The following DNAH11 variants were observed in gnomAD, a reference collection of about 807,000 sequenced individuals.
DNAH11 encodes the protein axonemal beta dynein heavy chain 11.
A neutral mutation model predicts 526.0 loss-of-function variants in DNAH11; 442 were observed. The observed-to-expected ratio is 0.84, with a 90% CI of 0.78 to 0.91. DNAH11 has a LOEUF of 0.91. DNAH11 is among the 40% of genes least tolerant of loss of function. The pLI is 0.00. For synonymous variants in DNAH11, 2,461 were observed against 1,935.9 expected (o/e 1.27, Z -7.12); for missense variants, 6,989 against 5,448.7 (o/e 1.28, Z -8.90).
intron 45 of DNAH11, among the ~76,000 whole-genome samples, chr7:21,730,914 C>T (rs1785352710): frequency 6.6e-6 from 1 of 152,112 alleles, no homozygotes; most frequent in Non-Finnish European, 1.5e-5. Context: ...GAGGCCAAGG[C>T]AGGTTGATCA....
At chr7:21,586,507 G>A (rs1784482393) in intron 9 of DNAH11, among the ~76,000 whole-genome samples, 1 of 152,124 alleles carries the variant, frequency 6.6e-6, no homozygotes, top group Non-Finnish European at 1.5e-5. Flanking sequence ...TGTCTAAATT[G>A]ATCCCTAAGG....
chr7:21,752,447 G>A (rs188131596), intron 54 of DNAH11, among the ~76,000 whole-genome samples: 7 of 152,202 alleles, frequency 4.6e-5, no homozygotes, highest in African/African-American at 1.7e-4. Flanking sequence ...TTTTCTATTG[G>A]ATTGTACATA....
intron 30 of DNAH11, among the ~76,000 whole-genome samples, chr7:21,670,911 A>T (rs535186811): frequency 2.2e-4 from 34 of 151,332 alleles, no homozygotes; most frequent in African/African-American, 8.0e-4. Context: ...GCTGGATTCT[A>T]TTTGCTATTA....
rs182330083 is a variant in DNAH11 at position 21,546,654 on chromosome 7, A to G, written c.495+1505A>G. ...GTTTCCATACCAGAGTGTATTATAT[A>G]TTTATACTTAGCCAAAGTATATAAA... On this transcript the variant is annotated intron_variant, in intron 2 of 81. Transcript: ENST00000409508. Among the ~76,000 whole-genome samples the G allele has an allele frequency of 5.9e-5, 9 of 152,300 alleles. No homozygotes were observed. In the East Asian group the frequency reaches 1.5e-3, roughly 26 times the overall value.
At chr7:21,827,462 A>G (rs139940541) in intron 65 of DNAH11, among the ~76,000 whole-genome samples, 1 of 151,672 alleles carries the variant, frequency 6.6e-6, no homozygotes, top group African/African-American at 2.4e-5. Context: ...TTTTTGAAAG[A>G]CTGGAGTAAC....
At position 21,892,580 on chromosome 7, in the gene DNAH11, A is replaced by G; in HGVS notation, c.12663A>G (p.Thr4221=). The G allele has an allele frequency of 6.2e-7, 1 of 1,614,040 alleles. No homozygotes were observed. ...CTGAAATAGAATTCCTGACAGTGAC[A>G]TCCAACACTCTCTTCAGAACTTTGC... ...PNAEIEFLTV[T]SNTLFRTLLE... The change falls in exon 77 of 82, where the codon ACA becomes ACG. Residue 4221 remains threonine (T), a synonymous_variant. Transcript: ENST00000409508.
chr7:21,844,789 C>T (rs968885402), intron 66 of DNAH11, among the ~76,000 whole-genome samples: 3 of 152,220 alleles, frequency 2.0e-5, no homozygotes, highest in Non-Finnish European at 2.9e-5. Context: ...TGCTCATAGT[C>T]TGTGTGAGGC....
intron 63 of DNAH11, among the ~76,000 whole-genome samples, chr7:21,810,567 C>G (rs1346220208): frequency 3.3e-5 from 5 of 152,068 alleles, no homozygotes; most frequent in African/African-American, 9.7e-5. Context: ...TCAAAAATAC[C>G]TGTGAAGGGC....
chr7:21,685,452 G>A lies in DNAH11; in HGVS notation c.5621+1508G>A, dbSNP rs190951779. On this transcript the variant is annotated intron_variant, in intron 32 of 81. Coordinates refer to ENST00000409508, the MANE Select transcript of DNAH11 (RefSeq NM_001277115.2). ...GAAGATGAAAGTTCATTTTGATAGT[G>A]TGAATTGTGTTGGATAAAATGTTTC... is the stretch of plus-strand genomic sequence containing the variant. Among the ~76,000 whole-genome samples, 443 of 152,294 alleles carry A rather than the reference G, an allele frequency of 2.9e-3. 3 individuals carry two copies. Among genetic ancestry groups the A allele is most frequent in the African/African-American group, 0.01 (420 of 41,552 alleles).
At chr7:21,696,988 T>A (rs1287276838) in intron 35 of DNAH11, among the ~76,000 whole-genome samples, 1 of 152,102 alleles carries the variant, frequency 6.6e-6, no homozygotes, top group South Asian at 2.1e-4. Context: ...ATGTGAAGAG[T>A]AATAACTGTG....
intron 30 of DNAH11, among the ~76,000 whole-genome samples, chr7:21,673,972 G>A (rs1027098234): frequency 6.6e-6 from 1 of 150,714 alleles, no homozygotes; most frequent in African/African-American, 2.4e-5. Context: ...CACCTGGCTG[G>A]TCTTCCTCCT....
Position 21,683,874 on chromosome 7 carries a change from G to T in DNAH11, c.5551G>T (p.Ala1851Ser). The change falls in exon 32 of 82, where the codon GCC (alanine) becomes TCC (serine). Residue 1851 changes from alanine to serine, a missense_variant. Physicochemically the swap from Ala to Ser is moderately conservative, Grantham distance 99. Coordinates refer to ENST00000409508, the MANE Select transcript of DNAH11 (RefSeq NM_001277115.2). The part of the protein sequence containing the change: ...QKHCFVNICD[A>S]QFQYFYEYLG... ...ACACTGCTTTGTTAATATTTGTGAT[G>T]CCCAGTTCCAGTACTTCTATGAATA... is the stretch of plus-strand genomic sequence containing the variant. 1 of 1,613,620 alleles carries T rather than the reference G, an allele frequency of 6.2e-7. No individual in the cohort carries two copies. Among genetic ancestry groups the T allele is most frequent in the South Asian group, 1.1e-5 (1 of 91,026 alleles).
rs374623486 is a variant in DNAH11 at position 21,586,809 on chromosome 7, TAACA to T, written c.1711-1254_1711-1251del. Among the ~76,000 whole-genome samples, 67 of 152,302 alleles carry T rather than the reference TAACA, an allele frequency of 4.4e-4. 1 individual carries two copies. The South Asian group carries it at 0.013, about 29-fold the overall frequency. On this transcript the variant is annotated intron_variant, in intron 9 of 81. Coordinates refer to ENST00000409508, the MANE Select transcript of DNAH11 (RefSeq NM_001277115.2). ...ATACCTATATGACAGGCTTAATAAC[TAACA>T]TATTATAAAGCCCACACAGAATGAT...
intron 61 of DNAH11, among the ~76,000 whole-genome samples, chr7:21,789,793 C>CTTT (rs1161248236): frequency 3.9e-4 from 32 of 81,536 alleles, no homozygotes; most frequent in East Asian, 1.2e-3. Flanking sequence ...TTCTTTCTTT[C>CTTT]TTTCTTTCTT....
chr7:21,736,541 G>T (rs780115511), intron 46 of DNAH11, among the ~76,000 whole-genome samples: 4 of 152,164 alleles, frequency 2.6e-5, no homozygotes, highest in Admixed American at 1.3e-4. Flanking sequence ...TGGGGTATCT[G>T]TTTACATGTG....
At chr7:21,578,471 C>T (rs989712810) in intron 8 of DNAH11, among the ~76,000 whole-genome samples, 1 of 152,236 alleles carries the variant, frequency 6.6e-6, no homozygotes, top group African/African-American at 2.4e-5. Context: ...GTACAGCCCC[C>T]ACAACTGCTT....
rs762368078 is a variant in DNAH11, at chr7:21,787,590, A to T, written c.9924+7A>T. ...CATCATTAAATTCTATGAGGTATCAATCCTAAATTGATTGTTTACAGATGT... is the reference window on the plus strand; with the variant it reads ...CATCATTAAATTCTATGAGGTATCATTCCTAAATTGATTGTTTACAGATGT... On this transcript the variant is annotated splice_region_variant and intron_variant, in intron 60 of 81. Transcript: ENST00000409508. 5.0e-6 allele frequency: 8 copies of T among 1,597,676 alleles called. No homozygotes were observed. Among genetic ancestry groups the T allele is most frequent in the Non-Finnish European group, 6.8e-6 (8 of 1,171,472 alleles).
chr7:21,677,027 T>C (rs1166222119), intron 30 of DNAH11, among the ~76,000 whole-genome samples: 4 of 152,212 alleles, frequency 2.6e-5, no homozygotes, highest in Non-Finnish European at 5.9e-5. Flanking sequence ...GATGCTGTCG[T>C]TGCCTTTGTG....
intron 24 of DNAH11, 104 bp from the exon 25 acceptor site, chr7:21,619,852 C>A: frequency 2.8e-6 from 3 of 1,073,786 alleles, no homozygotes; most frequent in Non-Finnish European, 2.7e-6. Context: ...TACTTGATAT[C>A]AGTTTGCATT....
Sources: allele counts gnomAD v4.1 joint callset (sites outside exome capture counted in the v4.1 genomes callset), GRCh38; gene constraint gnomAD v4.1.1; transcripts MANE v1.5; gene names NCBI Gene and HGNC (gene_info 2026-07-23, HGNC 2026-07-21).